Variants in PFKFB1 observed in about 807,000 individuals in gnomAD.
PFKFB1 encodes 6-phosphofructo-2-kinase/fructose-2,6-biphosphatase 1.
In PFKFB1, 34 loss-of-function variants were observed where a neutral mutation model predicts 46.4. That is an observed-to-expected ratio of 0.73 (90% CI 0.56 to 0.98). The LOEUF is 0.98. PFKFB1 is among the 50% of genes least tolerant of loss of function. The pLI, the probability that PFKFB1 is intolerant of heterozygous loss-of-function variation, is 0.00. For synonymous variants in PFKFB1, 119 were observed against 133.8 expected, an observed-to-expected ratio of 0.89 and a Z score of 0.76; for missense variants, 393 against 376.3, an observed-to-expected ratio of 1.04 and a Z score of -0.37.
chrX:54,974,762 AAAC>A (rs1934790323), intron 1 of PFKFB1, among the ~76,000 whole-genome samples: 1 of 111,324 alleles, frequency 9.0e-6, no homozygotes, highest in Admixed American at 9.6e-5. Context: ...CAGCAAGAAA[AAAC>A]AAATAATCCC....
chrX:54,947,907 C>T (rs930096761), intron 9 of PFKFB1, among the ~76,000 whole-genome samples: 2 of 109,678 alleles, frequency 1.8e-5, no homozygotes, highest in Non-Finnish European at 3.8e-5. Context: ...CACCAGCAAG[C>T]CCTGCTGATT....
chrX:54,970,583 G>A (rs1266974448), intron 1 of PFKFB1, among the ~76,000 whole-genome samples: 8 of 64,733 alleles, frequency 1.2e-4, no homozygotes, highest in Non-Finnish European at 1.7e-4. Flanking sequence ...GAGAATATGC[G>A]GTGTTTGGTT....
At chrX:54,943,578 C>T (rs1394623460) in intron 10 of PFKFB1, among the ~76,000 whole-genome samples, 1 of 110,086 alleles carries the variant, frequency 9.1e-6, no homozygotes, top group Non-Finnish European at 1.9e-5. Flanking sequence ...GGTGATACCC[C>T]GTCTCTACTA....
chrX:54,977,902 G>T (rs1430710730), intron 1 of PFKFB1, among the ~76,000 whole-genome samples: 1 of 111,136 alleles, frequency 9.0e-6, no homozygotes, highest in Non-Finnish European at 1.9e-5. Context: ...CTTTAATACT[G>T]CATACATGTC....
intron 1 of PFKFB1, among the ~76,000 whole-genome samples, chrX:54,979,167 A>C (rs1934910964): frequency 8.9e-6 from 1 of 111,777 alleles, no homozygotes; most frequent in Admixed American, 9.5e-5. Flanking sequence ...TAAATCTAAA[A>C]TTATTTAAAA....
intron 1 of PFKFB1, among the ~76,000 whole-genome samples, chrX:54,992,705 T>C (rs1209497344): frequency 8.9e-6 from 1 of 112,144 alleles, no homozygotes; most frequent in South Asian, 3.8e-4. Context: ...ACTATAAGCA[T>C]TCTAGCTCTG....
At chrX:54,969,894 G>T (rs1602208721) in intron 1 of PFKFB1, among the ~76,000 whole-genome samples, 3 of 111,636 alleles carry the variant, frequency 2.7e-5, no homozygotes, top group African/African-American at 6.5e-5. Flanking sequence ...AAAATCCCAG[G>T]AAATCTATAA....
intron 1 of PFKFB1, among the ~76,000 whole-genome samples, chrX:54,974,403 T>C (rs1934780143): frequency 9.0e-6 from 1 of 111,003 alleles, no homozygotes; most frequent in Non-Finnish European, 1.9e-5. Context: ...AAGCCACATA[T>C]AGAAGAATAA....
intron 12 of PFKFB1, 139 bp downstream of exon 12, chrX:54,934,808 C>G: frequency 2.0e-6 from 1 of 491,421 alleles, no homozygotes; most frequent in Non-Finnish European, 3.7e-6. Flanking sequence ...GTCCCACCCC[C>G]ACCACCCACT....
chrX:54,956,735 G>A (rs1380425670), intron 6 of PFKFB1, among the ~76,000 whole-genome samples: 1 of 109,937 alleles, frequency 9.1e-6, no homozygotes, highest in South Asian at 4.0e-4. Context: ...CTCATCTCAG[G>A]TACTGGCACT....
intron 1 of PFKFB1, among the ~76,000 whole-genome samples, chrX:54,965,841 G>T (rs1411973027): frequency 2.7e-5 from 3 of 110,774 alleles, no homozygotes; most frequent in East Asian, 5.7e-4. Flanking sequence ...ATTATTTAAA[G>T]GTGAACCAAA....
At chrX:54,934,873 G>A in intron 12 of PFKFB1, 74 bp downstream of exon 12, 3 of 872,255 alleles carry the variant, frequency 3.4e-6, no homozygotes, top group Non-Finnish European at 5.0e-6. Flanking sequence ...GACTCTTCTG[G>A]GCAAATGGTA....
intron 10 of PFKFB1, among the ~76,000 whole-genome samples, chrX:54,939,337 A>G (rs1933528435): frequency 1.8e-5 from 2 of 112,004 alleles, no homozygotes; most frequent in South Asian, 7.5e-4. Context: ...AAAGAACTAG[A>G]GAAGCAAGAG....
rs1227495277 is a variant in PFKFB1, at chrX:54,933,413, G to C, written c.1406C>G (p.Ala469Gly). The change falls in exon 14 of 14, where the codon GCC becomes GGC. Residue 469 changes from alanine (A) to glycine (G), a missense_variant. Transcript: ENST00000375006. ...CTTCTTGGAAAGGGCTCAGTAGTGG[G>C]CTGGGACAGTATCCAGGGCTTCCTC... ...EPEEALDTVP[A>G]HY is the part of the protein sequence containing the mutation. The C allele has an allele frequency of 8.3e-7, 1 of 1,207,356 alleles. No homozygotes were observed. Among genetic ancestry groups the C allele is most frequent in the Admixed American group, 2.2e-5 (1 of 46,072 alleles).
chrX:54,949,036 T>C, intron 9 of PFKFB1, 39 bp downstream of exon 9: 1 of 1,194,388 alleles, frequency 8.4e-7, no homozygotes, highest in Non-Finnish European at 1.1e-6. Flanking sequence ...CAGACTCAAG[T>C]CACCCCCACA....
At chrX:54,949,013 C>T in intron 9 of PFKFB1, 62 bp downstream of exon 9, 2 of 1,164,462 alleles carry the variant, frequency 1.7e-6, no homozygotes, top group Non-Finnish European at 2.3e-6. Flanking sequence ...AGAGGCAACC[C>T]AGGGGATAAT....
At chrX:54,990,834 T>C (rs1479656600) in intron 1 of PFKFB1, among the ~76,000 whole-genome samples, 2 of 112,471 alleles carry the variant, frequency 1.8e-5, no homozygotes, top group Admixed American at 9.4e-5. Context: ...TGGGTTAAAA[T>C]AGAAAATTAA....
chrX:54,933,804 T>G lies in PFKFB1; in HGVS notation c.1356+17A>C. The G allele has an allele frequency of 8.4e-7, 1 of 1,196,147 alleles. No individual in the cohort carries two copies. The highest frequency in any genetic ancestry group is 1.1e-6 in the Non-Finnish European group (1 of 881,464). ...CTGTGTCCACAGCCAGCTTGGGCCATGGAGTCCCCCACCTACCTCAGGCTT... is the reference window on the plus strand; with the variant it reads ...CTGTGTCCACAGCCAGCTTGGGCCAGGGAGTCCCCCACCTACCTCAGGCTT... On this transcript the variant is annotated intron_variant, in intron 13 of 13. Coordinates refer to ENST00000375006, the MANE Select transcript of PFKFB1 (RefSeq NM_002625.4).
intron 5 of PFKFB1, 34 bp downstream of exon 5, chrX:54,958,817 T>C (rs376892948): frequency 2.5e-4 from 243 of 990,622 alleles, no homozygotes; most frequent in African/African-American, 1.4e-3. Context: ...GCTGGAGAAA[T>C]AGGCTCTAGA....
Sources: allele counts gnomAD v4.1 joint callset (sites outside exome capture counted in the v4.1 genomes callset), GRCh38; gene constraint gnomAD v4.1.1; transcripts MANE v1.5; gene names NCBI Gene and HGNC (gene_info 2026-07-23, HGNC 2026-07-21).